SFXN3: variants seen among roughly 807,000 people sequenced by gnomAD.
SFXN3 encodes sideroflexin 3, also known as sideroflexin-3.
SFXN3 carries 31 observed loss-of-function variants against 40.4 expected under a neutral mutation model. The observed-to-expected ratio is 0.77, with a 90% CI of 0.58 to 1.04. The LOEUF is 1.04. Among genes scored for constraint, SFXN3 ranks in the 50% least tolerant of loss-of-function variants. The probability of loss-of-function intolerance (pLI) is 0.00; values close to 1 mark genes in which losing one functional copy is unlikely to be tolerated. For synonymous variants in SFXN3, 157 were observed against 160.0 expected (o/e 0.98, Z 0.14); for missense variants, 366 against 408.2 (o/e 0.90, Z 0.89).
chr10:101,034,455 CA>C (rs1486767344), intron 2 of SFXN3, among the ~76,000 whole-genome samples: 1 of 152,214 alleles, frequency 6.6e-6, no homozygotes, highest in Non-Finnish European at 1.5e-5. Context: ...AACATCTCAG[CA>C]AAGCAATTGT....
chr10:101,034,966 C>A, intron 3 of SFXN3, 111 bp downstream of exon 3: 1 of 1,360,166 alleles, frequency 7.4e-7, no homozygotes, highest in Non-Finnish European at 1.0e-6. Flanking sequence ...TCCCTCAATC[C>A]CCTCACTCTC....
exon 12 of SFXN3, chr10:101,040,429 C>T (rs566171650): frequency 2.3e-4 from 35 of 152,354 alleles, no homozygotes; most frequent in African/African-American, 7.9e-4. Context: ...AAGCATTCCC[C>T]TTTAAGAGCT....
At chr10:101,033,590 G>A (rs921437621) in intron 2 of SFXN3, among the ~76,000 whole-genome samples, 2 of 152,178 alleles carry the variant, frequency 1.3e-5, no homozygotes, top group African/African-American at 4.8e-5. Context: ...TGGGACAAGA[G>A]ACTGAGAAAA....
chr10:101,039,938 C>T lies in SFXN3; in HGVS notation c.*353C>T. 3.9e-6 allele frequency: 1 copy of T among 254,842 alleles called. No homozygotes were observed. The highest frequency in any genetic ancestry group is 7.7e-6 in the Non-Finnish European group (1 of 129,476). 15.8% of individuals were successfully genotyped at this position (254,842 alleles called of 1,614,324 possible). On this transcript the variant is annotated 3_prime_UTR_variant, in exon 12 of 12. Coordinates refer to ENST00000393459, the Ensembl canonical transcript of SFXN3. This position sits in a 1 kb window ranked among gnomAD's most constrained non-coding sequence, Gnocchi z 4.6. ...CCTTCTCAGCCTCATGTCCACCTGCCTGCCAGCCAGGCTACAGGTGTGACT... is the reference window on the plus strand; with the variant it reads ...CCTTCTCAGCCTCATGTCCACCTGCTTGCCAGCCAGGCTACAGGTGTGACT...
chr10:101,039,763 C>A lies in SFXN3; in HGVS notation c.*178C>A, dbSNP rs555308933. ...GGGACCTCCATAAGGCTTTTCCTCC[C>A]TTCTCTGGTTTCAAAGATCAGAGCA... On this transcript the variant is annotated 3_prime_UTR_variant, in exon 12 of 12. Coordinates refer to ENST00000393459, the Ensembl canonical transcript of SFXN3. The surrounding 1 kb of genome is among the most constrained non-coding windows in gnomAD (Gnocchi z 4.6). 3 of 616,474 alleles carry A rather than the reference C, an allele frequency of 4.9e-6. No homozygotes were observed. Among genetic ancestry groups the A allele is most frequent in the Non-Finnish European group, 8.7e-6 (3 of 345,986 alleles). The allele number at this position is 616,474 out of a possible 1,614,324, so 38.2% of individuals were successfully genotyped here.
intron 9 of SFXN3, chr10:101,037,884 T>C (rs1938698398): frequency 2.9e-6 from 3 of 1,038,104 alleles, no homozygotes; most frequent in Admixed American, 5.0e-5. Flanking sequence ...GCACCAGGCA[T>C]GTTTTAGGGC....
rs1458361574 is a variant in SFXN3, at chr10:101,036,655, A to G, written c.508-68A>G. 5 of 1,608,708 alleles carry G rather than the reference A, an allele frequency of 3.1e-6. No individual in the cohort carries two copies. The highest frequency in any genetic ancestry group is 1.3e-5 in the African/African-American group (1 of 74,672). ...TCCAGTTCTGACCTATATGCCCCCT[A>G]TATCTCCCCAGAGTCCCTCACCACC... On this transcript the variant is annotated intron_variant, in intron 6 of 11. Transcript: ENST00000393459. This position sits in a 1 kb window ranked among gnomAD's most constrained non-coding sequence, Gnocchi z 4.2.
At chr10:101,038,808 G>T in intron 10 of SFXN3, 116 bp downstream of exon 10, 1 of 1,510,418 alleles carries the variant, frequency 6.6e-7, no homozygotes, top group Non-Finnish European at 9.0e-7. Flanking sequence ...TACATTCAGT[G>T]GGTGTGTGTT....
Position 101,039,564 on chromosome 10 carries a change from C to T in SFXN3, c.945C>T (p.Val315=). The T allele has an allele frequency of 6.2e-7, 1 of 1,614,082 alleles. No homozygotes were observed. Reference sequence around the variant, plus strand: ...AGCAAAACCCCAGCGTTGAAGTGGTCTACTACAACAAGGGGCTTTGAGGAG... The same window carrying T: ...AGCAAAACCCCAGCGTTGAAGTGGTTTACTACAACAAGGGGCTTTGAGGAG... Residue 315 remains valine (V), a synonymous_variant, in exon 12 of 12, where the codon GTC becomes GTT. Transcript: ENST00000393459. The surrounding 1 kb of genome is among the most constrained non-coding windows in gnomAD (Gnocchi z 4.6).
intron 9 of SFXN3, chr10:101,038,190 G>A (rs1479697310): frequency 1.2e-6 from 1 of 807,288 alleles, no homozygotes; most frequent in Non-Finnish European, 1.6e-6. Flanking sequence ...ACTGCAGTAG[G>A]AGGGGCTTGC....
exon 4 of SFXN3, chr10:101,035,634 T>C (rs1008873171): frequency 6.2e-7 from 1 of 1,613,520 alleles, no homozygotes; most frequent in Non-Finnish European, 8.5e-7. Flanking sequence ...CCCATGAACA[T>C]GACCATCACT....
At position 101,039,431 on chromosome 10, in the gene SFXN3, G is replaced by A; in HGVS notation, c.870-58G>A. 1 of 1,504,548 alleles carries A rather than the reference G, an allele frequency of 6.6e-7. No homozygotes were observed. The highest frequency in any genetic ancestry group is 1.1e-5 in the South Asian group (1 of 88,870). The allele number at this position is 1,504,548 out of a possible 1,614,324, so 93.2% of individuals were successfully genotyped here. ...GGGAGGAGGTGGGATGGCAATCCCT[G>A]GGCCTGAGTGGGGTTGGATTCAGGG... On this transcript the variant is annotated intron_variant, in intron 11 of 11. Coordinates refer to ENST00000393459, the Ensembl canonical transcript of SFXN3. The surrounding 1 kb of genome is among the most constrained non-coding windows in gnomAD (Gnocchi z 4.6).
chr10:101,039,286 G>A lies in SFXN3; in HGVS notation c.869+64G>A. The A allele has an allele frequency of 1.4e-6, 2 of 1,476,196 alleles. No homozygotes were observed. The highest frequency in any genetic ancestry group is 1.4e-5 in the African/African-American group (1 of 71,868). The allele number at this position is 1,476,196 out of a possible 1,614,324, so 91.4% of individuals were successfully genotyped here. ...TGGACTCTGCATCTCTGGACCAGCTGACCTAGGGTCTTCCAGGGTGTTCAG... is the reference window on the plus strand; with the variant it reads ...TGGACTCTGCATCTCTGGACCAGCTAACCTAGGGTCTTCCAGGGTGTTCAG... On this transcript the variant is annotated intron_variant, in intron 11 of 11. Coordinates refer to ENST00000393459, the Ensembl canonical transcript of SFXN3. The surrounding 1 kb of genome is among the most constrained non-coding windows in gnomAD (Gnocchi z 4.6).
chr10:101,038,959 A>G (rs1938760376), intron 10 of SFXN3, among the ~76,000 whole-genome samples: 1 of 152,082 alleles, frequency 6.6e-6, no homozygotes, highest in Non-Finnish European at 1.5e-5. Flanking sequence ...CAGGAGATTC[A>G]TGCCCATTTA....
chr10:101,038,788 C>T (rs1437858081), intron 10 of SFXN3, 96 bp downstream of exon 10: 2 of 1,552,604 alleles, frequency 1.3e-6, no homozygotes, highest in Non-Finnish European at 1.8e-6. Flanking sequence ...TTATAGACAT[C>T]ATCCATTCAT....
chr10:101,035,851 G>T, intron 4 of SFXN3, 152 bp from the exon 5 acceptor site: 1 of 1,103,606 alleles, frequency 9.1e-7, no homozygotes, highest in Non-Finnish European at 1.3e-6. Flanking sequence ...TATAAATGGG[G>T]GTGGGGGTAC....
intron 2 of SFXN3, among the ~76,000 whole-genome samples, chr10:101,034,108 C>T (rs867200440): frequency 3.9e-4 from 59 of 151,976 alleles, no homozygotes; most frequent in African/African-American, 1.4e-3. Flanking sequence ...CAGCACAGAC[C>T]CTTTATGGGT....
In SFXN3 at chr10:101,036,261, G is replaced by A. The variant is rs1938597970; in HGVS notation, c.431+160G>A. ...CCACCCCGAATTACCCTGCCTAACT[G>A]AAGGCATGAGGTCCTCTTATGTATG... On this transcript the variant is annotated intron_variant, in intron 5 of 11. Coordinates refer to ENST00000393459, the Ensembl canonical transcript of SFXN3. The surrounding 1 kb of genome is among the most constrained non-coding windows in gnomAD (Gnocchi z 4.2). Among the ~76,000 whole-genome samples, 1 of 152,196 alleles carries A rather than the reference G, an allele frequency of 6.6e-6. No homozygotes were observed. The highest frequency in any genetic ancestry group is 2.1e-4 in the South Asian group (1 of 4,834).
intron 3 of SFXN3, 35 bp downstream of exon 3, chr10:101,034,890 A>G: frequency 6.3e-7 from 1 of 1,598,616 alleles, no homozygotes; most frequent in South Asian, 1.1e-5. Flanking sequence ...GTGTGCCAGG[A>G]TCTCATTTTC....
Sources: allele counts gnomAD v4.1 joint callset (sites outside exome capture counted in the v4.1 genomes callset), GRCh38; gene constraint gnomAD v4.1.1; non-coding constraint Gnocchi (gnomAD v3.1); transcripts MANE v1.5; gene names NCBI Gene and HGNC (gene_info 2026-07-23, HGNC 2026-07-21).